The following SLCO3A1 variants were observed in gnomAD, a reference collection of about 807,000 sequenced individuals.
SLCO3A1 encodes PGE1 transporter.
A neutral mutation model predicts 63.1 loss-of-function variants in SLCO3A1; 27 were observed. The observed-to-expected ratio is 0.43, with a 90% confidence interval of 0.32 to 0.59. The LOEUF (loss-of-function observed/expected upper bound fraction) is 0.59. SLCO3A1 is among the 20% of genes least tolerant of loss of function. SLCO3A1 has a pLI of 0.09. For missense variants in SLCO3A1, 773 were observed against 945.8 expected (o/e 0.82, Z 2.40); for synonymous variants, 473 against 409.9 (o/e 1.15, Z -1.86).
intron 2 of SLCO3A1, among the ~76,000 whole-genome samples, chr15:91,949,524 G>A (rs535571851): frequency 2.0e-5 from 3 of 152,206 alleles, no homozygotes; most frequent in Non-Finnish European, 2.9e-5. Flanking sequence ...TAGCTACTCC[G>A]GAGGCTGAGG....
intron 1 of SLCO3A1, among the ~76,000 whole-genome samples, chr15:91,857,082 G>A (rs969069869): frequency 2.0e-5 from 3 of 150,966 alleles, no homozygotes; most frequent in Non-Finnish European, 1.5e-5. Context: ...GAGAGAGAGA[G>A]AGAAAATGTG....
chr15:92,012,773 G>A (rs1317203306), intron 2 of SLCO3A1, among the ~76,000 whole-genome samples: 4 of 146,720 alleles, frequency 2.7e-5, no homozygotes, highest in African/African-American at 9.9e-5. Context: ...AGGCTCAGAC[G>A]AGGCTTAACT....
At chr15:92,128,537 G>T in intron 7 of SLCO3A1, 48 bp downstream of exon 7, 1 of 1,551,018 alleles carries the variant, frequency 6.4e-7, no homozygotes. Flanking sequence ...GGCAGCTAAA[G>T]TGGCTTAAAA....
chr15:91,971,083 G>C (rs765715948), intron 2 of SLCO3A1, among the ~76,000 whole-genome samples: 1 of 152,080 alleles, frequency 6.6e-6, no homozygotes, highest in Non-Finnish European at 1.5e-5. Flanking sequence ...TGAAGTGCCT[G>C]TTCCCAGCTG....
chr15:92,059,782 T>C (rs1212449798), intron 2 of SLCO3A1, among the ~76,000 whole-genome samples: 2 of 152,212 alleles, frequency 1.3e-5, no homozygotes, highest in East Asian at 3.9e-4. Context: ...CCCAGAGCCC[T>C]AACACAGCCT....
chr15:92,162,711 C>G (rs1349695743), intron 9 of SLCO3A1, 45 bp from the exon 10 acceptor site: 1 of 1,568,178 alleles, frequency 6.4e-7, no homozygotes, highest in African/African-American at 1.4e-5. Flanking sequence ...CAGGGGAGCA[C>G]TGGCCACCAG....
At chr15:91,963,413 G>GT (rs58702402) in intron 2 of SLCO3A1, among the ~76,000 whole-genome samples, 1 of 104,396 alleles carries the variant, frequency 9.6e-6, no homozygotes, top group Non-Finnish European at 2.0e-5. Context: ...GAGGGTGGGG[G>GT]GGGGGGGCGG....
At position 91,934,937 on chromosome 15, in the gene SLCO3A1, G is replaced by A. The variant is rs866575052; in HGVS notation, c.646+18479G>A. 5.3e-5 allele frequency among the ~76,000 whole-genome samples: 8 copies of A among 152,072 alleles called. No homozygotes were observed. In the Middle Eastern group the frequency reaches 0.01, roughly 194 times the overall value. ...TTGATTGGTAAAACTCTTTGGAGGC[G>A]TCCTTCGTGAATTTCCTGACTTTTT... On this transcript the variant is annotated intron_variant, in intron 2 of 9. Coordinates refer to ENST00000318445, the MANE Select transcript of SLCO3A1 (RefSeq NM_013272.4).
rs1001711429 is a variant in SLCO3A1, at chr15:91,862,781, C to A, written c.180+8693C>A. On this transcript the variant is annotated intron_variant, in intron 1 of 9. Transcript: ENST00000318445. This position sits in a 1 kb window ranked among gnomAD's most constrained non-coding sequence, Gnocchi z 4.0. ...AGGGAGTTAGAAGTGATTATTTTTACCGCCATTTCTGCACTTGCAAGGTTG... is the reference window on the plus strand; with the variant it reads ...AGGGAGTTAGAAGTGATTATTTTTAACGCCATTTCTGCACTTGCAAGGTTG... Among the ~76,000 whole-genome samples the A allele has an allele frequency of 6.6e-6, 1 of 152,190 alleles. No individual in the cohort carries two copies. The highest frequency in any genetic ancestry group is 2.4e-5 in the African/African-American group (1 of 41,442).
intron 2 of SLCO3A1, among the ~76,000 whole-genome samples, chr15:92,057,976 T>A (rs974769361): frequency 3.3e-5 from 5 of 152,180 alleles, no homozygotes; most frequent in African/African-American, 9.7e-5. Context: ...ATTGTAAGTA[T>A]GATACATCCT....
At chr15:91,981,380 C>T (rs928353253) in intron 2 of SLCO3A1, among the ~76,000 whole-genome samples, 5 of 152,134 alleles carry the variant, frequency 3.3e-5, no homozygotes, top group African/African-American at 9.7e-5. Context: ...GGAATCCGCG[C>T]GTATCTCATC....
chr15:91,966,101 A>G (rs1356004762), intron 2 of SLCO3A1, among the ~76,000 whole-genome samples: 5 of 152,238 alleles, frequency 3.3e-5, no homozygotes, highest in Admixed American at 2.6e-4. Flanking sequence ...GTGCCCAGCG[A>G]ATTATGGGCA....
At chr15:91,915,462 C>T (rs1185509476) in intron 1 of SLCO3A1, among the ~76,000 whole-genome samples, 1 of 152,114 alleles carries the variant, frequency 6.6e-6, no homozygotes, top group Non-Finnish European at 1.5e-5. Flanking sequence ...ATGATTACCC[C>T]GCTGGGCTGA....
intron 2 of SLCO3A1, among the ~76,000 whole-genome samples, chr15:92,080,976 GTGTGTGTGTA>G (rs2047338005): frequency 7.1e-6 from 1 of 141,534 alleles, no homozygotes; most frequent in Admixed American, 6.9e-5. Flanking sequence ...GTGTGTGTGT[GTGTGTGTGTA>G]TGGGGTACGT....
At chr15:92,109,743 G>T (rs1322119404) in intron 4 of SLCO3A1, among the ~76,000 whole-genome samples, 1 of 152,074 alleles carries the variant, frequency 6.6e-6, no homozygotes, top group African/African-American at 2.4e-5. Context: ...AAATCTAGGA[G>T]ATGAGTTATG....
rs1273488918 is a variant in SLCO3A1, at chr15:92,163,588, G to A, written c.*453G>A. 1 of 984,358 alleles carries A rather than the reference G, an allele frequency of 1.0e-6. No homozygotes were observed. The highest frequency in any genetic ancestry group is 1.2e-6 in the Non-Finnish European group (1 of 829,668). 61.0% of individuals were successfully genotyped at this position (984,358 alleles called of 1,614,324 possible). ...AAAAAACCCACAAGTTGAAAACATTGCCAGATTAAGCACTAGTGACACACC... is the reference window on the plus strand; with the variant it reads ...AAAAAACCCACAAGTTGAAAACATTACCAGATTAAGCACTAGTGACACACC... On this transcript the variant is annotated 3_prime_UTR_variant, in exon 10 of 10. Transcript: ENST00000318445.
intron 9 of SLCO3A1, among the ~76,000 whole-genome samples, chr15:92,161,226 T>A (rs1049807091): frequency 1.3e-5 from 2 of 152,198 alleles, no homozygotes; most frequent in Non-Finnish European, 2.9e-5. Flanking sequence ...TTAATTTGCA[T>A]TAGTGACTCA....
intron 7 of SLCO3A1, among the ~76,000 whole-genome samples, chr15:92,134,649 G>A (rs1007840442): frequency 6.6e-6 from 1 of 152,184 alleles, no homozygotes; most frequent in African/African-American, 2.4e-5. Context: ...GGATACTTCA[G>A]GTTAGGGGCC....
intron 2 of SLCO3A1, among the ~76,000 whole-genome samples, chr15:91,979,165 A>G (rs1901236547): frequency 1.3e-5 from 2 of 152,340 alleles, no homozygotes; most frequent in African/African-American, 4.8e-5. Context: ...CCTTAGCCCC[A>G]AAAAGCTTGG....
Sources: gnomAD v4.1 joint callset for allele counts (sites outside exome capture counted in the v4.1 genomes callset) on GRCh38, gnomAD v4.1.1 for gene constraint, Gnocchi (gnomAD v3.1) non-coding constraint, MANE v1.5 for transcripts, NCBI Gene and HGNC (gene_info 2026-07-23, HGNC 2026-07-21) for gene names.